Variants in ZMAT4 observed in about 807,000 individuals in gnomAD.
The protein encoded by ZMAT4 is zinc finger matrin-type 4, also known as zinc finger matrin-type protein 4.
In ZMAT4, 17 loss-of-function variants were observed where a neutral mutation model predicts 28.7. The ratio of observed to expected loss-of-function variants is 0.59; its 90% CI spans 0.41 to 0.89. ZMAT4 has a LOEUF of 0.89. Among genes scored for constraint, ZMAT4 ranks in the 40% least tolerant of loss-of-function variants. ZMAT4 has a pLI of 0.00. For missense variants in ZMAT4, 240 were observed against 283.8 expected, an observed-to-expected ratio of 0.85 and a Z score of 1.11; for synonymous variants, 117 against 109.2, an observed-to-expected ratio of 1.07 and a Z score of -0.44.
intron 1 of ZMAT4, among the ~76,000 whole-genome samples, chr8:40,866,507 T>C (rs1268512102): frequency 2.0e-5 from 3 of 152,236 alleles, no homozygotes; most frequent in Non-Finnish European, 4.4e-5. Flanking sequence ...TTTTAACTTT[T>C]CATAAAGCAT....
chr8:40,812,792 CG>C (rs1295713886), intron 2 of ZMAT4, among the ~76,000 whole-genome samples: 2 of 151,796 alleles, frequency 1.3e-5, no homozygotes, highest in Non-Finnish European at 2.9e-5. Context: ...ATTAGCTGGG[CG>C]TGGTGGCAGG....
intron 6 of ZMAT4, among the ~76,000 whole-genome samples, chr8:40,572,807 G>A (rs575769005): frequency 2.0e-5 from 3 of 152,100 alleles, no homozygotes; most frequent in Non-Finnish European, 2.9e-5. Flanking sequence ...CTGCCATTAT[G>A]CTGTTTACAG....
intron 5 of ZMAT4, among the ~76,000 whole-genome samples, chr8:40,610,560 TA>T (rs1805759285): frequency 6.6e-6 from 1 of 152,140 alleles, no homozygotes; most frequent in African/African-American, 2.4e-5. Flanking sequence ...TGGAACCACT[TA>T]AGGGAAAATG....
At chr8:40,746,740 C>T (rs1171365262) in intron 3 of ZMAT4, among the ~76,000 whole-genome samples, 3 of 152,124 alleles carry the variant, frequency 2.0e-5, no homozygotes, top group African/African-American at 4.8e-5. Context: ...CCCTAAAAAC[C>T]GCACATGGTC....
At chr8:40,858,627 C>T (rs1053537217) in intron 1 of ZMAT4, among the ~76,000 whole-genome samples, 11 of 152,156 alleles carry the variant, frequency 7.2e-5, no homozygotes, top group African/African-American at 1.2e-4. Flanking sequence ...ATTTTAGGCT[C>T]CACGGAAGAT....
At chr8:40,878,266 C>T (rs1275032185) in intron 1 of ZMAT4, among the ~76,000 whole-genome samples, 2 of 152,140 alleles carry the variant, frequency 1.3e-5, no homozygotes, top group African/African-American at 2.4e-5. Flanking sequence ...ACCTGTCCCC[C>T]CAGTCCTCAC....
intron 1 of ZMAT4, among the ~76,000 whole-genome samples, chr8:40,881,501 G>GAAAGAAAGAA (rs1404492759): frequency 1.0e-5 from 1 of 95,370 alleles, no homozygotes; most frequent in African/African-American, 4.1e-5. Context: ...GAAAGAAAGA[G>GAAAGAAAGAA]GAAGGAAGGA....
intron 5 of ZMAT4, among the ~76,000 whole-genome samples, chr8:40,582,430 A>G (rs1412033426): frequency 6.6e-6 from 1 of 152,154 alleles, no homozygotes; most frequent in Non-Finnish European, 1.5e-5. Context: ...ACAGTGAGGT[A>G]TGACAGTGCT....
intron 6 of ZMAT4, among the ~76,000 whole-genome samples, chr8:40,568,036 A>C (rs1388237463): frequency 6.6e-6 from 1 of 152,212 alleles, no homozygotes; most frequent in African/African-American, 2.4e-5. Context: ...AAAATGGTAA[A>C]GAAATTCCAC....
rs1463208499 is a variant in ZMAT4, at chr8:40,863,731, C to T, written c.-5+33952G>A. 2.0e-5 allele frequency among the ~76,000 whole-genome samples: 3 copies of T among 152,162 alleles called. No homozygotes were observed. In the East Asian group the frequency reaches 5.8e-4, roughly 29 times the overall value. ...GACAGTCATTGATGAGGGGAATACA[C>T]AAAATTACCCTCAAAATTAATTAGA... On this transcript the variant is annotated intron_variant, in intron 1 of 6. Coordinates refer to ENST00000297737, the MANE Select transcript of ZMAT4 (RefSeq NM_024645.3).
intron 3 of ZMAT4, among the ~76,000 whole-genome samples, chr8:40,721,625 T>A (rs2150517601): frequency 6.7e-6 from 1 of 149,002 alleles, no homozygotes; most frequent in South Asian, 2.2e-4. Flanking sequence ...TTTCTCCACA[T>A]CCTCTCCAGC....
At chr8:40,678,224 C>T (rs963479628) in intron 4 of ZMAT4, among the ~76,000 whole-genome samples, 1 of 152,172 alleles carries the variant, frequency 6.6e-6, no homozygotes, top group Non-Finnish European at 1.5e-5. Context: ...AGGCAATAGC[C>T]AAAATGTCAT....
intron 2 of ZMAT4, among the ~76,000 whole-genome samples, chr8:40,796,130 G>A (rs909124422): frequency 2.4e-4 from 37 of 152,110 alleles, no homozygotes; most frequent in African/African-American, 8.5e-4. Flanking sequence ...GAAAGGGGAC[G>A]TTTCCGCTCC....
chr8:40,825,337 C>A (rs1167436641), intron 2 of ZMAT4, among the ~76,000 whole-genome samples: 1 of 152,040 alleles, frequency 6.6e-6, no homozygotes, highest in South Asian at 2.1e-4. Flanking sequence ...GGCTGAGATA[C>A]AAATTTTAAA....
chr8:40,539,977 C>T (rs529215148), intron 6 of ZMAT4, among the ~76,000 whole-genome samples: 3 of 152,286 alleles, frequency 2.0e-5, no homozygotes, highest in African/African-American at 7.2e-5. Context: ...GTAGCCCAAC[C>T]TTTAGGGAGG....
intron 2 of ZMAT4, among the ~76,000 whole-genome samples, chr8:40,776,267 CA>C (rs1813591836): frequency 6.6e-6 from 1 of 152,150 alleles, no homozygotes; most frequent in Admixed American, 6.5e-5. Context: ...ATGTTTAAAA[CA>C]GCATTTAAAG....
chr8:40,636,140 T>C (rs1032595969), intron 5 of ZMAT4, among the ~76,000 whole-genome samples: 2 of 152,234 alleles, frequency 1.3e-5, no homozygotes, highest in Non-Finnish European at 2.9e-5. Flanking sequence ...CAATATTCAA[T>C]TGCTTTTTAA....
intron 5 of ZMAT4, among the ~76,000 whole-genome samples, chr8:40,644,140 G>T (rs1013128889): frequency 5.3e-5 from 8 of 152,100 alleles, no homozygotes; most frequent in South Asian, 2.1e-4. Context: ...TAGAGAAATG[G>T]ATAAGCTTAA....
intron 3 of ZMAT4, among the ~76,000 whole-genome samples, chr8:40,725,148 G>T (rs542207800): frequency 6.6e-6 from 1 of 152,276 alleles, no homozygotes; most frequent in African/African-American, 2.4e-5. Context: ...CATTAGAGTT[G>T]TGCTTCCTGA....
Sources: gnomAD v4.1 joint callset for allele counts (sites outside exome capture counted in the v4.1 genomes callset) on GRCh38, gnomAD v4.1.1 for gene constraint, MANE v1.5 for transcripts, NCBI Gene and HGNC (gene_info 2026-07-23, HGNC 2026-07-21) for gene names.